Variants in CCDC18 observed in about 807,000 individuals in gnomAD.
CCDC18 encodes the protein coiled-coil domain-containing protein 18.
A neutral mutation model predicts 196.0 loss-of-function variants in CCDC18; 157 were observed. That is an observed-to-expected ratio of 0.80 (90% CI 0.70 to 0.91). The LOEUF is 0.91. CCDC18 is among the 40% of genes least tolerant of loss of function. The pLI is 0.00. For synonymous variants in CCDC18, 482 were observed against 529.2 expected, an observed-to-expected ratio of 0.91 and a Z score of 1.22; for missense variants, 1,465 against 1,611.6, an observed-to-expected ratio of 0.91 and a Z score of 1.56.
intron 26 of CCDC18, among the ~76,000 whole-genome samples, chr1:93,260,735 A>T (rs1663671751): frequency 6.6e-6 from 1 of 152,036 alleles, no homozygotes; most frequent in Non-Finnish European, 1.5e-5. Flanking sequence ...TGTCACCTAC[A>T]TTAGGTATTT....
At chr1:93,229,302 T>TA (rs1367883071) in intron 17 of CCDC18, among the ~76,000 whole-genome samples, 1 of 152,242 alleles carries the variant, frequency 6.6e-6, no homozygotes, top group Admixed American at 6.5e-5. Flanking sequence ...TGTGTATTGA[T>TA]AAAAAACGTG....
rs1387089440 is a variant in CCDC18, at chr1:93,217,825, ATT to A, written c.1919_1920del (p.Ile640ThrfsTer6). ...TTTAGCCTTTGAAAAAGCAAAGAAA[ATT>A]CACTTGGAACAGCATAAAGAAATGG... ...ICLAFEKAKK[I>X]HLEQHKEMEK... On this transcript the variant is annotated frameshift_variant, in exon 14 of 29. Transcript: ENST00000690025. LOFTEE classifies it high-confidence loss of function. 3.1e-6 allele frequency: 5 copies of A among 1,612,842 alleles called. No homozygotes were observed. Among genetic ancestry groups the A allele is most frequent in the Non-Finnish European group, 4.2e-6 (5 of 1,178,964 alleles).
At chr1:93,256,640 C>T in intron 25 of CCDC18, 102 bp downstream of exon 25, 2 of 916,160 alleles carry the variant, frequency 2.2e-6, no homozygotes, top group South Asian at 1.6e-5. Flanking sequence ...AACTGTATTG[C>T]ACAACAGTGT....
At chr1:93,247,855 G>T (rs148046784) in intron 23 of CCDC18, among the ~76,000 whole-genome samples, 1 of 152,044 alleles carries the variant, frequency 6.6e-6, no homozygotes. Flanking sequence ...AGTTGCTCTA[G>T]TCAGGACTCC....
intron 11 of CCDC18, among the ~76,000 whole-genome samples, chr1:93,213,814 T>C (rs1305826456): frequency 6.6e-6 from 1 of 152,212 alleles, no homozygotes; most frequent in African/African-American, 2.4e-5. Context: ...GAGGTGGTAA[T>C]AAATATAATA....
chr1:93,236,141 A>G, intron 18 of CCDC18, 107 bp from the exon 19 acceptor site: 2 of 862,242 alleles, frequency 2.3e-6, no homozygotes, highest in South Asian at 1.7e-5. Context: ...TTCTTGGTCT[A>G]TATGTTGATT....
chr1:93,188,907 G>A (rs1272298485), intron 4 of CCDC18, among the ~76,000 whole-genome samples: 3 of 152,150 alleles, frequency 2.0e-5, no homozygotes, highest in East Asian at 1.9e-4. Flanking sequence ...ATACAATCAT[G>A]CAGCATAATA....
chr1:93,269,313 A>T (rs1401862026), intron 27 of CCDC18, among the ~76,000 whole-genome samples: 1 of 150,492 alleles, frequency 6.6e-6, no homozygotes, highest in Non-Finnish European at 1.5e-5. Context: ...CATTAAGAGA[A>T]ATCCCTAATG....
intron 28 of CCDC18, chr1:93,271,504 T>C: frequency 2.0e-6 from 2 of 985,430 alleles, no homozygotes; most frequent in Non-Finnish European, 2.4e-6. Flanking sequence ...GGCTTCTTTA[T>C]TTCCCTCTTC....
chr1:93,210,420 C>T (rs1209709362), intron 9 of CCDC18, among the ~76,000 whole-genome samples: 1 of 152,146 alleles, frequency 6.6e-6, no homozygotes, highest in Non-Finnish European at 1.5e-5. Flanking sequence ...CCTCTCTCCT[C>T]AGAAATGGCA....
At chr1:93,202,265 G>A (rs1316145328) in intron 7 of CCDC18, among the ~76,000 whole-genome samples, 1 of 152,102 alleles carries the variant, frequency 6.6e-6, no homozygotes, top group East Asian at 1.9e-4. Context: ...ACAGAGACTG[G>A]AGCTAAAGAA....
intron 21 of CCDC18, 98 bp from the exon 22 acceptor site, chr1:93,246,007 G>T: frequency 7.8e-6 from 5 of 640,376 alleles, no homozygotes; most frequent in South Asian, 6.3e-5. Context: ...ATATTATTTT[G>T]CTTTTAATTT....
intron 9 of CCDC18, among the ~76,000 whole-genome samples, chr1:93,210,340 C>G (rs1164086729): frequency 6.6e-6 from 1 of 152,214 alleles, no homozygotes; most frequent in East Asian, 1.9e-4. Context: ...CTTATCAACT[C>G]TATGTTTTTT....
At chr1:93,236,453 A>G in intron 19 of CCDC18, 63 bp downstream of exon 19, 2 of 1,480,314 alleles carry the variant, frequency 1.4e-6, no homozygotes, top group Non-Finnish European at 1.8e-6. Context: ...TGAGTTTTGA[A>G]ATCAGATAAT....
rs1272509617 is a variant in CCDC18, at chr1:93,239,825, T to C, written c.2910T>C (p.Asp970=). 9.9e-6 allele frequency: 16 copies of C among 1,613,608 alleles called. No individual in the cohort carries two copies. The highest frequency in any genetic ancestry group is 1.4e-5 in the Non-Finnish European group (16 of 1,179,662). Residue 970 remains aspartate (D), a synonymous_variant, in exon 21 of 29, where the codon GAT becomes GAC. Transcript: ENST00000690025. ...STLRQLQELR[D]VLQKAQLSLE... Reference sequence around the variant, plus strand: ...TAAGACAACTCCAGGAATTGAGAGATGTACTACAGAAGGCTCAATTATCAT... The same window carrying C: ...TAAGACAACTCCAGGAATTGAGAGACGTACTACAGAAGGCTCAATTATCAT...
At chr1:93,233,425 T>C (rs1373459299) in intron 18 of CCDC18, among the ~76,000 whole-genome samples, 1 of 152,236 alleles carries the variant, frequency 6.6e-6, no homozygotes, top group Non-Finnish European at 1.5e-5. Context: ...TGAAAAGAAA[T>C]CAAATTTACA....
At chr1:93,180,723 C>G, upstream of CCDC18, 2 of 1,361,296 alleles carry the variant, frequency 1.5e-6, no homozygotes, top group Non-Finnish European at 2.0e-6. Flanking sequence ...GCTCCCGCGG[C>G]GGTTCGAATT....
intron 28 of CCDC18, among the ~76,000 whole-genome samples, chr1:93,272,653 A>G (rs1181545977): frequency 6.6e-6 from 1 of 152,220 alleles, no homozygotes; most frequent in African/African-American, 2.4e-5. Flanking sequence ...TAGCCTAACA[A>G]TGGGAATGAA....
chr1:93,194,042 T>A (rs1293278398), intron 6 of CCDC18, among the ~76,000 whole-genome samples: 2 of 152,090 alleles, frequency 1.3e-5, no homozygotes, highest in Non-Finnish European at 2.9e-5. Flanking sequence ...ACCAGTACAC[T>A]GAGTTTAAAA....
Sources: allele counts gnomAD v4.1 joint callset (sites outside exome capture counted in the v4.1 genomes callset), GRCh38; gene constraint gnomAD v4.1.1; transcripts MANE v1.5; gene names NCBI Gene and HGNC (gene_info 2026-07-23, HGNC 2026-07-21).